Variants in EXOSC7 observed in about 807,000 individuals in gnomAD.
EXOSC7 encodes the protein exosome complex component RRP42.
In EXOSC7, 25 loss-of-function variants were observed where a neutral mutation model predicts 34.3. The ratio of observed to expected loss-of-function variants is 0.73; its 90% confidence interval spans 0.53 to 1.02. The LOEUF is 1.02. Among genes scored for constraint, EXOSC7 ranks in the 50% least tolerant of loss-of-function variants. The pLI is 0.00. For missense variants in EXOSC7, 370 were observed against 368.5 expected (o/e 1.00, Z -0.03); for synonymous variants, 130 against 143.0 (o/e 0.91, Z 0.65).
intron 3 of EXOSC7, among the ~76,000 whole-genome samples, chr3:44,990,075 C>G (rs897423843): frequency 2.0e-5 from 3 of 152,216 alleles, no homozygotes; most frequent in Non-Finnish European, 4.4e-5. Flanking sequence ...GCCAAGCAGC[C>G]TGACAGGCTG....
intron 1 of EXOSC7, among the ~76,000 whole-genome samples, chr3:44,979,588 G>GT (rs529893438): frequency 4.7e-4 from 69 of 146,068 alleles, no homozygotes; most frequent in African/African-American, 1.3e-3. Flanking sequence ...ATCTCTGCTG[G>GT]TTTTTTTTTT....
In EXOSC7 at chr3:44,976,287, G is replaced by C; in HGVS notation, c.10G>C (p.Val4Leu). The part of the protein sequence containing the change: MAS[V>L]TLSEAEKVYI... Reference sequence around the variant, plus strand: ...GGGGCAGCTCGGCAGCATGGCGTCCGTGACGCTGAGCGAGGCGGAGAAGGT... The same window carrying C: ...GGGGCAGCTCGGCAGCATGGCGTCCCTGACGCTGAGCGAGGCGGAGAAGGT... Residue 4 changes from valine to leucine, a missense_variant, in exon 1 of 8, where the codon GTG (valine) becomes CTG (leucine). By Grantham distance (32) the Val-to-Leu change is conservative (BLOSUM62 1). Around this residue, in one of 3 missense-constraint regions of EXOSC7, gnomAD observed 95 missense variants for 79.8 expected, o/e 1.19. Transcript: ENST00000265564. 1 of 1,561,334 alleles carries C rather than the reference G, an allele frequency of 6.4e-7. No individual in the cohort carries two copies. Among genetic ancestry groups the C allele is most frequent in the Non-Finnish European group, 8.6e-7 (1 of 1,160,420 alleles).
chr3:44,985,579 G>A (rs1380211809), intron 1 of EXOSC7, among the ~76,000 whole-genome samples: 4 of 151,296 alleles, frequency 2.6e-5, no homozygotes, highest in Admixed American at 6.6e-5. Flanking sequence ...AGGTGGGTTC[G>A]TGGTCTCGCT....
intron 6 of EXOSC7, among the ~76,000 whole-genome samples, chr3:45,006,638 G>A (rs1394062478): frequency 1.8e-4 from 27 of 149,126 alleles, no homozygotes; most frequent in Admixed American, 1.5e-3. Flanking sequence ...GGATGGTCTC[G>A]ATCTCCTGAC....
chr3:45,007,657 A>T, intron 7 of EXOSC7, 82 bp downstream of exon 7: 1 of 1,381,480 alleles, frequency 7.2e-7, no homozygotes, highest in Admixed American at 2.8e-5. Flanking sequence ...TACCGTGGGG[A>T]TTCTCCCCAT....
intron 5 of EXOSC7, 35 bp from the exon 6 acceptor site, chr3:45,005,256 C>G (rs930101044): frequency 1.9e-6 from 3 of 1,612,010 alleles, no homozygotes; most frequent in Non-Finnish European, 2.5e-6. Flanking sequence ...TTTTCCTCCT[C>G]CAAGTGGGAA....
At position 45,011,429 on chromosome 3, in the gene EXOSC7, C is replaced by G; in HGVS notation, c.*90C>G. On this transcript the variant is annotated 3_prime_UTR_variant, in exon 8 of 8. Coordinates refer to ENST00000265564, the MANE Select transcript of EXOSC7 (RefSeq NM_015004.4). ...ATTTTTCTTCGCTGTTACGAATTTA[C>G]AGCAGCATTTGTACATGTAAAATTA... The G allele has an allele frequency of 2.5e-6, 2 of 806,340 alleles. No homozygotes were observed. The highest frequency in any genetic ancestry group is 4.1e-6 in the Non-Finnish European group (2 of 492,972). The allele number at this position is 806,340 out of a possible 1,614,324, so 49.9% of individuals were successfully genotyped here. A position where few individuals can be genotyped will look rare whatever the true frequency, so the allele number is the denominator to read the frequency against.
intron 6 of EXOSC7, among the ~76,000 whole-genome samples, chr3:45,006,138 C>T (rs1216216782): frequency 4.1e-5 from 5 of 122,254 alleles, no homozygotes; most frequent in Non-Finnish European, 7.9e-5. Flanking sequence ...AGTGCAATGG[C>T]GCGATCTCAG....
chr3:44,992,833 G>A (rs1047509929), intron 3 of EXOSC7, among the ~76,000 whole-genome samples: 20 of 152,194 alleles, frequency 1.3e-4, no homozygotes, highest in African/African-American at 4.3e-4. Context: ...GTTTAGGACT[G>A]TGGTTTAACC....
At position 45,007,470 on chromosome 3, in the gene EXOSC7, G is replaced by A. The variant is rs1161677585; in HGVS notation, c.666G>A (p.Ser222=). The A allele has an allele frequency of 8.1e-6, 13 of 1,614,034 alleles. No individual in the cohort carries two copies. Among genetic ancestry groups the A allele is most frequent in the South Asian group, 2.2e-5 (2 of 91,082 alleles). The change falls in exon 7 of 8, where the codon TCG becomes TCA. Residue 222 remains serine, a synonymous_variant. Coordinates refer to ENST00000265564, the MANE Select transcript of EXOSC7 (RefSeq NM_015004.4). Reference sequence around the variant, plus strand: ...CTACTCTTCAGGAGGAGGCCTGCTCGCTGGCCAGCTTGCTGGTGTCGGTGA... The same window carrying A: ...CTACTCTTCAGGAGGAGGCCTGCTCACTGGCCAGCTTGCTGGTGTCGGTGA... The part of the protein sequence containing the change: ...VDATLQEEAC[S]LASLLVSVTS...
intron 3 of EXOSC7, among the ~76,000 whole-genome samples, chr3:44,990,253 G>A (rs1435217881): frequency 6.6e-6 from 1 of 150,726 alleles, no homozygotes; most frequent in Non-Finnish European, 1.5e-5. Flanking sequence ...TAAAAAATGA[G>A]GATAATAAAT....
At chr3:44,989,349 A>G in intron 2 of EXOSC7, 108 bp downstream of exon 2, 1 of 968,490 alleles carries the variant, frequency 1.0e-6, no homozygotes, top group Non-Finnish European at 1.6e-6. Flanking sequence ...TCTTGGGGAA[A>G]TCGAAGATCC....
chr3:45,010,361 T>C (rs1320618695), intron 7 of EXOSC7, among the ~76,000 whole-genome samples: 1 of 152,004 alleles, frequency 6.6e-6, no homozygotes, highest in Admixed American at 6.6e-5. Flanking sequence ...AATCCTCCCA[T>C]CTCAGCCCCC....
At chr3:45,007,702 A>C in intron 7 of EXOSC7, 127 bp downstream of exon 7, 1 of 1,067,750 alleles carries the variant, frequency 9.4e-7, no homozygotes, top group Non-Finnish European at 1.3e-6. Context: ...AGATTTGGGA[A>C]CAGCTGGTTT....
chr3:45,007,614 C>G (rs539043921), intron 7 of EXOSC7, 39 bp downstream of exon 7: 1 of 1,542,526 alleles, frequency 6.5e-7, no homozygotes, highest in Non-Finnish European at 8.8e-7. Flanking sequence ...GGGACCTGGC[C>G]GGGGTGCCTG....
In EXOSC7 at chr3:44,986,719, C is replaced by G. The variant is rs569856447; in HGVS notation, c.58-2421C>G. Among the ~76,000 whole-genome samples the G allele has an allele frequency of 4.3e-4, 65 of 152,296 alleles. 1 individual carries two copies. In the South Asian group the frequency reaches 8.7e-3, roughly 20 times the overall value. On this transcript the variant is annotated intron_variant, in intron 1 of 7. Coordinates refer to ENST00000265564, the MANE Select transcript of EXOSC7 (RefSeq NM_015004.4). ...GGATGGGCTGCACAGGACCTTCCAC[C>G]TGATTTGTGATGTTTATTTTCTGTC...
At chr3:44,993,734 C>G (rs1706633665) in intron 3 of EXOSC7, among the ~76,000 whole-genome samples, 1 of 152,196 alleles carries the variant, frequency 6.6e-6, no homozygotes, top group South Asian at 2.1e-4. Context: ...GTTTTATGCC[C>G]AAAAGACCAA....
intron 1 of EXOSC7, among the ~76,000 whole-genome samples, chr3:44,986,992 T>G (rs1010314797): frequency 4.6e-5 from 7 of 152,076 alleles, no homozygotes; most frequent in Non-Finnish European, 1.0e-4. Context: ...TAATGATTCT[T>G]TTTCTGAAAA....
intron 6 of EXOSC7, among the ~76,000 whole-genome samples, chr3:45,006,404 G>GTTTTT (rs545281987): frequency 9.7e-5 from 6 of 61,700 alleles, no homozygotes; most frequent in Non-Finnish European, 1.5e-4. Flanking sequence ...TTGTTTATTT[G>GTTTTT]TTTTTTTTTT....
Sources: allele counts gnomAD v4.1 joint callset (sites outside exome capture counted in the v4.1 genomes callset), GRCh38; gene constraint gnomAD v4.1.1; regional missense constraint gnomAD v4.1.1; transcripts MANE v1.5; gene names NCBI Gene and HGNC (gene_info 2026-07-23, HGNC 2026-07-21).